KCNIP1: variants seen among roughly 807,000 people sequenced by gnomAD.
The protein encoded by KCNIP1 is A-type potassium channel modulatory protein KCNIP1.
KCNIP1 carries 18 observed loss-of-function variants against 33.0 expected under a neutral mutation model. That is an observed-to-expected ratio of 0.55 (90% CI 0.38 to 0.81). The LOEUF (loss-of-function observed/expected upper bound fraction) is 0.81, where lower values mean the gene tolerates loss of function less well. KCNIP1 is among the 30% of genes least tolerant of loss of function. The pLI is 0.00. For missense variants in KCNIP1, 238 were observed against 271.6 expected (o/e 0.88, Z 0.87); for synonymous variants, 93 against 98.3 (o/e 0.95, Z 0.32).
At chr5:170,429,762 C>A (rs959555959) in intron 1 of KCNIP1, among the ~76,000 whole-genome samples, 14 of 152,162 alleles carry the variant, frequency 9.2e-5, no homozygotes, top group African/African-American at 3.4e-4. Flanking sequence ...ATAATGAATT[C>A]CAGTTTCATT....
At chr5:170,581,320 A>C (rs1304743566) in intron 1 of KCNIP1, among the ~76,000 whole-genome samples, 2 of 152,218 alleles carry the variant, frequency 1.3e-5, no homozygotes, top group East Asian at 3.8e-4. Flanking sequence ...AGGACTCACA[A>C]GTTGAGCTCA....
intron 1 of KCNIP1, among the ~76,000 whole-genome samples, chr5:170,673,538 C>A (rs1400253137): frequency 6.6e-6 from 1 of 152,244 alleles, no homozygotes; most frequent in African/African-American, 2.4e-5. Flanking sequence ...AGTGAATAAC[C>A]ACTCTGGGAC....
intron 1 of KCNIP1, among the ~76,000 whole-genome samples, chr5:170,683,741 C>G (rs970438624): frequency 4.1e-5 from 6 of 146,124 alleles, no homozygotes; most frequent in Non-Finnish European, 7.5e-5. Flanking sequence ...TTTTTTTCTT[C>G]GAGACTAAAT....
intron 1 of KCNIP1, among the ~76,000 whole-genome samples, chr5:170,533,846 C>A (rs1755871276): frequency 1.3e-5 from 2 of 152,180 alleles, no homozygotes; most frequent in Admixed American, 6.5e-5. Context: ...ATCTCCTGAT[C>A]CACAAAATGA....
chr5:170,683,575 T>C (rs1329300449), intron 1 of KCNIP1, among the ~76,000 whole-genome samples: 2 of 152,148 alleles, frequency 1.3e-5, no homozygotes, highest in African/African-American at 4.8e-5. Context: ...TGTTCACAAT[T>C]TGAGTACTAA....
At chr5:170,461,808 C>T (rs556728667) in intron 1 of KCNIP1, among the ~76,000 whole-genome samples, 13 of 151,074 alleles carry the variant, frequency 8.6e-5, no homozygotes, top group African/African-American at 1.9e-4. Context: ...GAAATAAACC[C>T]GAACGCTTAC....
chr5:170,654,439 C>T (rs115752314), intron 1 of KCNIP1, among the ~76,000 whole-genome samples: 211 of 152,252 alleles, frequency 1.4e-3, no homozygotes, highest in African/African-American at 4.9e-3. Flanking sequence ...AAAATTGTGT[C>T]GTACTGTAAT....
intron 1 of KCNIP1, among the ~76,000 whole-genome samples, chr5:170,563,916 G>A (rs552313394): frequency 6.6e-6 from 1 of 152,312 alleles, no homozygotes; most frequent in African/African-American, 2.4e-5. Flanking sequence ...GGGATTACAA[G>A]CGTGAGCCAC....
At chr5:170,452,840 T>A (rs1756288057) in intron 1 of KCNIP1, among the ~76,000 whole-genome samples, 1 of 152,204 alleles carries the variant, frequency 6.6e-6, no homozygotes, top group Non-Finnish European at 1.5e-5. Context: ...ACAGCGTGAT[T>A]AAGGAATTGT....
intron 1 of KCNIP1, among the ~76,000 whole-genome samples, chr5:170,405,689 G>A (rs1755021106): frequency 6.6e-6 from 1 of 152,250 alleles, no homozygotes; most frequent in Admixed American, 6.5e-5. Context: ...AGTCAGTTCT[G>A]TGGTACATAA....
At chr5:170,473,944 A>T (rs1182244030) in intron 1 of KCNIP1, among the ~76,000 whole-genome samples, 2 of 152,196 alleles carry the variant, frequency 1.3e-5, no homozygotes, top group Non-Finnish European at 2.9e-5. Flanking sequence ...TGGCACAGGA[A>T]TTTAGAAAAT....
At chr5:170,612,843 C>T (rs1759221886) in intron 1 of KCNIP1, among the ~76,000 whole-genome samples, 1 of 152,144 alleles carries the variant, frequency 6.6e-6, no homozygotes, top group Non-Finnish European at 1.5e-5. Flanking sequence ...GGCTAGAAAC[C>T]TCTAGTGGAC....
chr5:170,493,481 C>G (rs185452127), intron 1 of KCNIP1, among the ~76,000 whole-genome samples: 1 of 152,270 alleles, frequency 6.6e-6, no homozygotes, highest in Admixed American at 6.5e-5. Flanking sequence ...TCATTTCAAT[C>G]ATGAATTACA....
chr5:170,607,303 T>C (rs1321449708), intron 1 of KCNIP1, among the ~76,000 whole-genome samples: 2 of 152,136 alleles, frequency 1.3e-5, no homozygotes, highest in East Asian at 3.8e-4. Context: ...AGAGTAGTGA[T>C]GAAGAGTAAA....
chr5:170,427,006 G>C (rs1019748804), intron 1 of KCNIP1, among the ~76,000 whole-genome samples: 1 of 152,258 alleles, frequency 6.6e-6, no homozygotes, highest in Non-Finnish European at 1.5e-5. Flanking sequence ...CCTCCTTTCA[G>C]GGGTGGGGAG....
intron 1 of KCNIP1, among the ~76,000 whole-genome samples, chr5:170,678,011 A>G (rs976997794): frequency 1.3e-5 from 2 of 152,248 alleles, no homozygotes; most frequent in Non-Finnish European, 2.9e-5. Flanking sequence ...AATAGTAAAG[A>G]GCAATTTGTG....
intron 6 of KCNIP1, 124 bp from the exon 7 acceptor site, chr5:170,733,712 G>A (rs1764288755): frequency 2.7e-6 from 2 of 739,704 alleles, no homozygotes; most frequent in Admixed American, 2.5e-5. Context: ...GGGCAAAGTT[G>A]GTTAATGAAA....
At chr5:170,578,847 T>C (rs1473765157) in intron 1 of KCNIP1, among the ~76,000 whole-genome samples, 1 of 152,060 alleles carries the variant, frequency 6.6e-6, no homozygotes, top group Non-Finnish European at 1.5e-5. Context: ...CATATGAATA[T>C]TGGGAAAGAG....
intron 1 of KCNIP1, among the ~76,000 whole-genome samples, chr5:170,438,024 G>A (rs943593988): frequency 2.6e-5 from 4 of 152,304 alleles, no homozygotes; most frequent in Non-Finnish European, 5.9e-5. Context: ...GTGCTTCCTG[G>A]CACCAGCCTC....
Sources: gnomAD v4.1 joint callset for allele counts (sites outside exome capture counted in the v4.1 genomes callset) on GRCh38, gnomAD v4.1.1 for gene constraint, MANE v1.5 for transcripts, NCBI Gene and HGNC (gene_info 2026-07-23, HGNC 2026-07-21) for gene names.